Variants in SORCS2 observed in about 807,000 individuals in gnomAD.
SORCS2 encodes the protein VPS10 domain-containing receptor SorCS2.
In SORCS2, 100 loss-of-function variants were observed where a neutral mutation model predicts 141.6. That is an observed-to-expected ratio of 0.71 (90% confidence interval 0.60 to 0.83). SORCS2 has a LOEUF of 0.83. Among genes scored for constraint, SORCS2 ranks in the 40% least tolerant of loss-of-function variants. The pLI is 0.00. For synonymous variants in SORCS2, 789 were observed against 676.9 expected, an observed-to-expected ratio of 1.17 and a Z score of -2.57; for missense variants, 1,646 against 1,560.2, an observed-to-expected ratio of 1.05 and a Z score of -0.93.
At chr4:7,374,729 T>TC (rs1722523668) in intron 1 of SORCS2, among the ~76,000 whole-genome samples, 1 of 152,162 alleles carries the variant, frequency 6.6e-6, no homozygotes, top group Admixed American at 6.5e-5. Flanking sequence ...GTACAGTGTC[T>TC]CGGTCACCTC....
rs1390057231 is a variant in SORCS2 at position 7,475,548 on chromosome 4, C to G, written c.549-55982C>G. ...CAGAGCATGGCCAGCCCAGCTGCCC[C>G]CCTCCTGCCACTTGTCTCCCAGGGA... On this transcript the variant is annotated intron_variant, in intron 2 of 26. Coordinates refer to ENST00000507866, the MANE Select transcript of SORCS2 (RefSeq NM_020777.3). Among the ~76,000 whole-genome samples the G allele has an allele frequency of 3.3e-5, 5 of 152,212 alleles. No homozygotes were observed. The South Asian group carries it at 6.2e-4, about 19-fold the overall frequency.
chr4:7,729,070 G>A (rs1237390938), intron 22 of SORCS2, among the ~76,000 whole-genome samples: 1 of 152,232 alleles, frequency 6.6e-6, no homozygotes, highest in Non-Finnish European at 1.5e-5. Context: ...CCAGATGGAA[G>A]TGCATGGAAC....
At chr4:7,296,333 G>C (rs1717050208) in intron 1 of SORCS2, among the ~76,000 whole-genome samples, 1 of 152,258 alleles carries the variant, frequency 6.6e-6, no homozygotes, top group South Asian at 2.1e-4. Context: ...GTGAGCTCGT[G>C]TTAGCGGGCA....
chr4:7,453,805 A>G (rs1301103452), intron 2 of SORCS2, among the ~76,000 whole-genome samples: 205 of 38,718 alleles, frequency 5.3e-3, no homozygotes, highest in Admixed American at 8.8e-3. Context: ...GCTGTGTGTT[A>G]GGGTCAGGTG....
chr4:7,511,439 GACACAC>G (rs138336126), intron 2 of SORCS2, among the ~76,000 whole-genome samples: 1 of 128,746 alleles, frequency 7.8e-6, no homozygotes, highest in African/African-American at 2.9e-5. Context: ...GGGTTGGGGA[GACACAC>G]ACACACACAC....
intron 2 of SORCS2, among the ~76,000 whole-genome samples, chr4:7,521,405 C>A (rs1468792101): frequency 6.6e-6 from 1 of 152,166 alleles, no homozygotes; most frequent in Non-Finnish European, 1.5e-5. Flanking sequence ...GCGCCTGATG[C>A]CCCCTTTCAC....
At position 7,703,281 on chromosome 4, in the gene SORCS2, TG is replaced by T; in HGVS notation, c.1671del (p.Phe558LeufsTer15). The T allele has an allele frequency of 6.2e-7, 1 of 1,609,968 alleles. No individual in the cohort carries two copies. Among genetic ancestry groups the T allele is most frequent in the Non-Finnish European group, 8.5e-7 (1 of 1,177,902 alleles). ...TSDCGHTWRQ[V>X]FEEEHHILYL... ...CAGCCACACCACTCTCCTCTGCAGG[TG>T]TTTGAGGAAGAGCATCACATCCTGT... On this transcript the variant is annotated frameshift_variant and splice_region_variant, in exon 13 of 27. Coordinates refer to ENST00000507866, the MANE Select transcript of SORCS2 (RefSeq NM_020777.3). LOFTEE classifies it high-confidence loss of function.
intron 1 of SORCS2, among the ~76,000 whole-genome samples, chr4:7,243,221 A>G (rs905310380): frequency 3.9e-5 from 6 of 152,204 alleles, no homozygotes; most frequent in African/African-American, 7.2e-5. Flanking sequence ...TCTCTGAGCT[A>G]TAGAAATGGC....
chr4:7,440,058 C>T (rs1409231196), intron 2 of SORCS2, among the ~76,000 whole-genome samples: 1 of 152,250 alleles, frequency 6.6e-6, no homozygotes. Context: ...CACAGACATT[C>T]ATCCTCCACC....
rs142161028 is a variant in SORCS2, at chr4:7,257,838, T to C, written c.480+64712T>C. On this transcript the variant is annotated intron_variant, in intron 1 of 26. Coordinates refer to ENST00000507866, the MANE Select transcript of SORCS2 (RefSeq NM_020777.3). ...TGGCCTCCCTGGCCCTGGCCTCCCATTGGGTTCAGTCAACGAGAGGCGCCG... is the reference window on the plus strand; with the variant it reads ...TGGCCTCCCTGGCCCTGGCCTCCCACTGGGTTCAGTCAACGAGAGGCGCCG... Among the ~76,000 whole-genome samples, 178 of 152,226 alleles carry C rather than the reference T, an allele frequency of 1.2e-3. 1 individual carries two copies. Among genetic ancestry groups the C allele is most frequent in the African/African-American group, 4.0e-3 (166 of 41,556 alleles).
chr4:7,484,198 G>A (rs563237511), intron 2 of SORCS2, among the ~76,000 whole-genome samples: 5 of 152,286 alleles, frequency 3.3e-5, no homozygotes, highest in East Asian at 3.9e-4. Flanking sequence ...CCCACAGCTC[G>A]CGTCCCTGCG....
chr4:7,504,607 G>A (rs1732167814), intron 2 of SORCS2, among the ~76,000 whole-genome samples: 1 of 152,190 alleles, frequency 6.6e-6, no homozygotes, highest in Admixed American at 6.5e-5. Context: ...CCCCAGGGCT[G>A]GCTTCCCAGC....
chr4:7,566,278 T>C (rs1715004051), intron 3 of SORCS2, among the ~76,000 whole-genome samples: 1 of 150,890 alleles, frequency 6.6e-6, no homozygotes, highest in African/African-American at 2.4e-5. Context: ...GTGATAGAGA[T>C]GATGATAATG....
At chr4:7,737,878 G>A (rs1248796545) in intron 26 of SORCS2, among the ~76,000 whole-genome samples, 1 of 152,178 alleles carries the variant, frequency 6.6e-6, no homozygotes, top group Non-Finnish European at 1.5e-5. Context: ...TCACTCAGAT[G>A]GCCAGCAATT....
chr4:7,296,236 C>T (rs1204968364), intron 1 of SORCS2, among the ~76,000 whole-genome samples: 2 of 152,250 alleles, frequency 1.3e-5, no homozygotes, highest in East Asian at 3.8e-4. Context: ...GGAACCCCTG[C>T]CCCTGCCCTC....
intron 11 of SORCS2, among the ~76,000 whole-genome samples, chr4:7,696,711 A>T (rs1724733003): frequency 6.6e-6 from 1 of 152,182 alleles, no homozygotes; most frequent in Admixed American, 6.5e-5. Context: ...TCCACCCAGC[A>T]GATAGTGAGA....
At chr4:7,637,405 C>T (rs1720333085) in intron 3 of SORCS2, among the ~76,000 whole-genome samples, 1 of 152,232 alleles carries the variant, frequency 6.6e-6, no homozygotes, top group African/African-American at 2.4e-5. Context: ...CCCCGTCCGT[C>T]CCTGGTCCTG....
intron 2 of SORCS2, among the ~76,000 whole-genome samples, chr4:7,463,826 G>A (rs369799709): frequency 1.3e-5 from 2 of 152,120 alleles, no homozygotes; most frequent in South Asian, 2.1e-4. Flanking sequence ...GATGCGTGCC[G>A]GACTGGTGTG....
Position 7,718,195 on chromosome 4 carries a change from C to T in SORCS2, c.2424+12C>T, listed in dbSNP as rs769657756. 3.7e-6 allele frequency: 6 copies of T among 1,606,602 alleles called. No homozygotes were observed. The highest frequency in any genetic ancestry group is 2.2e-5 in the East Asian group (1 of 44,614). ...TGCGGCAGGAGCAGGTGAGTGAGCA[C>T]CTCCCAGCAGGCTCCTGGGACTGTC... On this transcript the variant is annotated intron_variant, in intron 18 of 26. Transcript: ENST00000507866.
Sources: gnomAD v4.1 joint callset for allele counts (sites outside exome capture counted in the v4.1 genomes callset) on GRCh38, gnomAD v4.1.1 for gene constraint, MANE v1.5 for transcripts, NCBI Gene and HGNC (gene_info 2026-07-23, HGNC 2026-07-21) for gene names.